Variants in IL18BP observed in about 807,000 individuals in gnomAD.
IL18BP encodes the protein interleukin 18 binding protein.
Under a neutral mutation model 19.9 loss-of-function variants are expected in IL18BP, and 23 were observed. The ratio of observed to expected loss-of-function variants is 1.15; its 90% CI spans 0.83 to 1.64. The LOEUF is 1.64. Ranked by LOEUF, IL18BP falls within the 40% of genes most tolerant of loss-of-function variation. The pLI, the probability that IL18BP is intolerant of heterozygous loss-of-function variation, is 0.00. For missense variants in IL18BP, 239 were observed against 240.7 expected (o/e 0.99, Z 0.05); for synonymous variants, 107 against 101.0 (o/e 1.06, Z -0.35).
chr11:72,005,469 A>T (rs1405181947), downstream of IL18BP: 2 of 1,140,506 alleles, frequency 1.8e-6, no homozygotes, highest in Non-Finnish European at 2.6e-6. Flanking sequence ...TACCCCATAA[A>T]CTTGAAGCCC....
chr11:72,004,251 T>C, downstream of IL18BP: 1 of 1,611,814 alleles, frequency 6.2e-7, no homozygotes, highest in South Asian at 1.1e-5. Context: ...GGAGCTGCTT[T>C]CTTCTGGGCC....
At chr11:72,007,914 A>T (rs1465300288), downstream of IL18BP, 5 of 355,278 alleles carry the variant, frequency 1.4e-5, no homozygotes. Context: ...GGTCTGCTTC[A>T]TCTCCTCTCA....
At position 72,001,205 on chromosome 11, in the gene IL18BP, A is replaced by C. The variant is rs759910031; in HGVS notation, c.240A>C (p.Gly80=). ...TWPEVEVPLN[G]TLSLSCVACS... Reference sequence around the variant, plus strand: ...AACTGCTGCCTGTGTCCCTAGATGGAACGCTGAGCTTATCCTGTGTGGCCT... The same window carrying C: ...AACTGCTGCCTGTGTCCCTAGATGGCACGCTGAGCTTATCCTGTGTGGCCT... The change falls in exon 4 of 6, where the codon GGA becomes GGC. Residue 80 remains glycine (G), a synonymous_variant. Coordinates refer to ENST00000393703, the MANE Select transcript of IL18BP (RefSeq NM_001039660.2). 1 of 1,614,138 alleles carries C rather than the reference A, an allele frequency of 6.2e-7. No homozygotes were observed. The highest frequency in any genetic ancestry group is 1.1e-5 in the South Asian group (1 of 91,074).
Position 72,001,332 on chromosome 11 carries a change from T to G in IL18BP, c.359+8T>G. 12 of 1,613,960 alleles carry G rather than the reference T, an allele frequency of 7.4e-6. No homozygotes were observed. Among genetic ancestry groups the G allele is most frequent in the Non-Finnish European group, 1.0e-5 (12 of 1,179,972 alleles). On this transcript the variant is annotated splice_region_variant and intron_variant, in intron 4 of 5. Coordinates refer to ENST00000393703, the MANE Select transcript of IL18BP (RefSeq NM_001039660.2). ...GTGGGAGGGGAGCACCAGGTGAGGG[T>G]CGCAGCAGCCAGGTGGGTGGGAAGG...
rs754666256 is a variant in IL18BP at position 72,000,478 on chromosome 11, C to T, written c.156C>T (p.Pro52=). The change falls in exon 3 of 6, where the codon CCC becomes CCT. Residue 52 remains proline, a synonymous_variant. Coordinates refer to ENST00000393703, the MANE Select transcript of IL18BP (RefSeq NM_001039660.2). Reference sequence around the variant, plus strand: ...TTAGAAGCACAAAGGACCCCTGCCCCTCCCAGCCCCCAGTGTTCCCAGCAG... The same window carrying T: ...TTAGAAGCACAAAGGACCCCTGCCCTTCCCAGCCCCCAGTGTTCCCAGCAG... The part of the protein sequence containing the change: ...ASVRSTKDPC[P]SQPPVFPAAK... The T allele has an allele frequency of 6.8e-6, 11 of 1,613,950 alleles. No homozygotes were observed. Among genetic ancestry groups the T allele is most frequent in the Middle Eastern group, 1.6e-4 (1 of 6,084 alleles).
downstream of IL18BP, chr11:72,004,812 G>C (rs1955567689): frequency 6.4e-7 from 1 of 1,571,284 alleles, no homozygotes; most frequent in Non-Finnish European, 8.6e-7. Flanking sequence ...CAGGCTCAGG[G>C]AAGGCTGCAT....
downstream of IL18BP, among the ~76,000 whole-genome samples, chr11:72,006,930 C>T (rs1034728604): frequency 3.3e-5 from 5 of 152,252 alleles, no homozygotes; most frequent in Admixed American, 3.3e-4. Context: ...TCTCTCCCTT[C>T]ACCCTGCACA....
chr11:72,001,161 C>G, intron 3 of IL18BP, 40 bp from the exon 4 acceptor site: 4 of 1,612,554 alleles, frequency 2.5e-6, no homozygotes, highest in Non-Finnish European at 3.4e-6. Context: ...AGGGGAAGGG[C>G]CTGCTCTTCT....
chr11:71,999,253 TGTCA>T (rs1955085725), intron 1 of IL18BP: 9 of 446,034 alleles, frequency 2.0e-5, no homozygotes, highest in South Asian at 1.5e-4. Context: ...TCCCCTTGAA[TGTCA>T]GTGTGAAGGT....
rs374624718 is a variant in IL18BP at position 72,001,295 on chromosome 11, C to G, written c.330C>G (p.Leu110=). 1.9e-5 allele frequency: 30 copies of G among 1,614,108 alleles called. No homozygotes were observed. The highest frequency in any genetic ancestry group is 2.3e-5 in the Non-Finnish European group (27 of 1,180,046). ...WLGNGSFIEH[L]PGRLWEGSTS... is the part of the protein sequence containing the mutation. ...GCAATGGTTCCTTCATTGAGCACCT[C>G]CCAGGCCGACTGTGGGAGGGGAGCA... Residue 110 remains leucine (L), a synonymous_variant, in exon 4 of 6, where the codon CTC becomes CTG. Coordinates refer to ENST00000393703, the MANE Select transcript of IL18BP (RefSeq NM_001039660.2).
downstream of IL18BP, chr11:72,004,763 G>T: frequency 1.9e-6 from 3 of 1,603,108 alleles, no homozygotes; most frequent in Non-Finnish European, 2.6e-6. Context: ...GGGTCTCTTG[G>T]GGGTCTCCAG....
chr11:72,006,601 A>G (rs530489214), downstream of IL18BP, among the ~76,000 whole-genome samples: 7 of 152,218 alleles, frequency 4.6e-5, no homozygotes, highest in Non-Finnish European at 8.8e-5. Context: ...AGGAAGTATC[A>G]GAGCTGGGGC....
chr11:72,003,940 C>T (rs1193211490), downstream of IL18BP: 6 of 1,613,420 alleles, frequency 3.7e-6, no homozygotes, highest in Middle Eastern at 1.7e-4. Context: ...GCGGCGCTGG[C>T]TGTGGTGGTG....
chr11:72,001,598 T>C, intron 5 of IL18BP, 46 bp downstream of exon 5: 1 of 1,595,972 alleles, frequency 6.3e-7, no homozygotes, highest in Non-Finnish European at 8.5e-7. Flanking sequence ...GGAGCTCTGC[T>C]TCCATATGTG....
intron 2 of IL18BP, 85 bp downstream of exon 2, chr11:72,000,097 A>C (rs540978838): frequency 3.7e-5 from 54 of 1,462,128 alleles, no homozygotes; most frequent in Admixed American, 9.1e-5. Flanking sequence ...CGGAGCCTTC[A>C]CTCCAAGGCA....
In IL18BP at chr11:71,999,948, TA is replaced by T. The variant is rs1327883627; in HGVS notation, c.-34del. 6.2e-7 allele frequency: 1 copy of T among 1,612,428 alleles called. No homozygotes were observed. The highest frequency in any genetic ancestry group is 8.5e-7 in the Non-Finnish European group (1 of 1,178,894). Reference sequence around the variant, plus strand: ...CCAGAGAAGAGGACGTTGTCACAGATAAAGAGCCAGGCTCACCAGCTCCTGA... The same window carrying T: ...CCAGAGAAGAGGACGTTGTCACAGATAAGAGCCAGGCTCACCAGCTCCTGA... On this transcript the variant is annotated 5_prime_UTR_variant, in exon 2 of 6. Transcript: ENST00000393703.
rs1262946818 is a variant in IL18BP at position 71,999,999 on chromosome 11, C to T, written c.15C>T (p.His5=). ...ACGCATGCATCATGACCATGAGACA[C>T]AACTGGACACCAGGTAGGCCTTGGG... The part of the protein sequence containing the change: MTMR[H]NWTPDLSPLW... Residue 5 remains histidine, a synonymous_variant, in exon 2 of 6, where the codon CAC becomes CAT. Coordinates refer to ENST00000393703, the MANE Select transcript of IL18BP (RefSeq NM_001039660.2). 6.2e-7 allele frequency: 1 copy of T among 1,613,942 alleles called. No individual in the cohort carries two copies. The highest frequency in any genetic ancestry group is 1.7e-5 in the Admixed American group (1 of 60,010).
intron 1 of IL18BP, 137 bp downstream of exon 1, chr11:71,999,156 C>T (rs1306908234): frequency 1.9e-6 from 1 of 516,758 alleles, no homozygotes; most frequent in South Asian, 1.4e-5. Flanking sequence ...AGTGGGTAGC[C>T]TGGGAAAGGC....
rs944962428 is a variant in IL18BP at position 72,001,953 on chromosome 11, G to A, written c.*92G>A. ...GTGAACAGTCCCTGACTGCCTGTAG[G>A]CTGCGTGGATGCGCAACACACCCCC... On this transcript the variant is annotated 3_prime_UTR_variant, in exon 6 of 6. Coordinates refer to ENST00000393703, the MANE Select transcript of IL18BP (RefSeq NM_001039660.2). The A allele has an allele frequency of 1.9e-5, 30 of 1,563,246 alleles. No homozygotes were observed. The highest frequency in any genetic ancestry group is 2.5e-5 in the Non-Finnish European group (29 of 1,149,444).
Sources: gnomAD v4.1 joint callset for allele counts (sites outside exome capture counted in the v4.1 genomes callset) on GRCh38, gnomAD v4.1.1 for gene constraint, MANE v1.5 for transcripts, NCBI Gene and HGNC (gene_info 2026-07-23, HGNC 2026-07-21) for gene names.